DAB1: variants seen among roughly 807,000 people sequenced by gnomAD.
The protein encoded by DAB1 is DAB adaptor protein 1.
DAB1 carries 15 observed loss-of-function variants against 64.6 expected under a neutral mutation model. The observed-to-expected ratio is 0.23, with a 90% CI of 0.16 to 0.36. The LOEUF (loss-of-function observed/expected upper bound fraction) is 0.36, where lower values mean the gene tolerates loss of function less well. Among genes scored for constraint, DAB1 ranks in the 10% least tolerant of loss-of-function variants. The pLI is 1.00. For synonymous variants in DAB1, 235 were observed against 251.9 expected (o/e 0.93, Z 0.64); for missense variants, 596 against 706.7 (o/e 0.84, Z 1.78).
chr1:57,327,461 T>C (rs1676263580), intron 1 of DAB1, among the ~76,000 whole-genome samples: 2 of 152,154 alleles, frequency 1.3e-5, no homozygotes, highest in South Asian at 4.1e-4. Context: ...AATTCCTCTC[T>C]ATGTGACCTG....
At chr1:57,968,659 C>T (rs193049279) in intron 5 of DAB1, among the ~76,000 whole-genome samples, 38 of 152,272 alleles carry the variant, frequency 2.5e-4, no homozygotes, top group Non-Finnish European at 4.3e-4. Context: ...CTCAATCTTT[C>T]TGACCCTTAA....
chr1:57,537,483 G>T (rs1264048109), intron 7 of DAB1, among the ~76,000 whole-genome samples: 1 of 152,124 alleles, frequency 6.6e-6, no homozygotes, highest in Non-Finnish European at 1.5e-5. Context: ...AAATCGCCTG[G>T]ATAGTTTTGT....
At chr1:58,474,423 T>C (rs376187449) in intron 3 of DAB1, among the ~76,000 whole-genome samples, 1 of 152,176 alleles carries the variant, frequency 6.6e-6, no homozygotes, top group Non-Finnish European at 1.5e-5. Flanking sequence ...GCAACTACTT[T>C]TGCACCAACC....
At chr1:57,488,185 C>T (rs115408588) in intron 7 of DAB1, among the ~76,000 whole-genome samples, 2,132 of 152,048 alleles carry the variant, frequency 0.014, 59 homozygotes, top group African/African-American at 0.049. Flanking sequence ...GGGTGGATTA[C>T]GAGGTCAGGA....
chr1:57,713,349 T>C (rs975775567), intron 6 of DAB1, among the ~76,000 whole-genome samples: 2 of 152,180 alleles, frequency 1.3e-5, no homozygotes, highest in Non-Finnish European at 2.9e-5. Context: ...AAGAAGATTA[T>C]AATAAATTTT....
chr1:58,007,583 T>G (rs760983497), intron 5 of DAB1, among the ~76,000 whole-genome samples: 7 of 152,198 alleles, frequency 4.6e-5, no homozygotes, highest in Non-Finnish European at 8.8e-5. Context: ...ATGCCAATCA[T>G]GTTTGGCATC....
At chr1:57,586,285 A>T (rs939571586) in intron 7 of DAB1, among the ~76,000 whole-genome samples, 2 of 152,116 alleles carry the variant, frequency 1.3e-5, no homozygotes, top group African/African-American at 4.8e-5. Context: ...TTGAAATAAA[A>T]TTCAGCTCAC....
At chr1:57,866,565 C>T (rs1298414866) in intron 1 of DAB1, among the ~76,000 whole-genome samples, 4 of 152,134 alleles carry the variant, frequency 2.6e-5, no homozygotes, top group Non-Finnish European at 5.9e-5. Flanking sequence ...CTGAGGGTCT[C>T]AGCATAGTGT....
At chr1:57,558,724 G>T (rs6697919) in intron 7 of DAB1, among the ~76,000 whole-genome samples, 31,894 of 152,050 alleles carry the variant, frequency 0.21, 3,538 homozygotes, top group Non-Finnish European at 0.24. Context: ...TAGTTTCTTT[G>T]CTTGGTTAGC....
At chr1:58,113,638 G>T (rs1652124003) in intron 5 of DAB1, among the ~76,000 whole-genome samples, 1 of 151,654 alleles carries the variant, frequency 6.6e-6, no homozygotes, top group Admixed American at 6.6e-5. Context: ...CCCTATTGTG[G>T]TAATTAACAC....
chr1:58,530,249 T>C (rs1646414537), intron 1 of DAB1, among the ~76,000 whole-genome samples: 1 of 152,192 alleles, frequency 6.6e-6, no homozygotes, highest in African/African-American at 2.4e-5. Flanking sequence ...AAGTCCTGTA[T>C]ACCAAGGGAC....
rs750819465 is a variant in DAB1 at position 58,300,646 on chromosome 1, G to GAGGA, written n.309+42702_309+42705dup. ...AGAGAGAGAGAGAGAGAGAGAGAGA[G>GAGGA]AGGAAGGAAGGAAGGAAGGAAGGAA... On this transcript the variant is annotated intron_variant and non_coding_transcript_variant, in intron 4 of 20. Coordinates refer to the DAB1 transcript ENST00000485760. Among the ~76,000 whole-genome samples, 48 of 57,290 alleles carry GAGGA rather than the reference G, an allele frequency of 8.4e-4. 1 individual carries two copies. Among genetic ancestry groups the GAGGA allele is most frequent in the Admixed American group, 1.1e-3 (6 of 5,688 alleles). 37.6% of individuals were successfully genotyped at this position (57,290 alleles called of 152,430 possible).
intron 3 of DAB1, among the ~76,000 whole-genome samples, chr1:58,460,543 G>A (rs918029247): frequency 4.6e-5 from 7 of 152,134 alleles, no homozygotes; most frequent in African/African-American, 1.2e-4. Flanking sequence ...TAGTGAGAAG[G>A]AGAAGGAAGA....
intron 7 of DAB1, among the ~76,000 whole-genome samples, chr1:57,525,848 G>T (rs1421421141): frequency 6.6e-6 from 1 of 151,856 alleles, no homozygotes; most frequent in Admixed American, 6.6e-5. Context: ...GGGGAGAAGG[G>T]ACTACTATAT....
intron 4 of DAB1, among the ~76,000 whole-genome samples, chr1:58,261,799 C>T (rs1203186407): frequency 6.6e-6 from 1 of 152,154 alleles, no homozygotes; most frequent in Non-Finnish European, 1.5e-5. Context: ...TCAAGCAATC[C>T]TCCTGTCTTG....
chr1:57,762,590 G>A (rs1185284710), intron 6 of DAB1, among the ~76,000 whole-genome samples: 1 of 152,036 alleles, frequency 6.6e-6, no homozygotes, highest in African/African-American at 2.4e-5. Flanking sequence ...AATTCAGAAT[G>A]GGCATCAACT....
intron 4 of DAB1, among the ~76,000 whole-genome samples, chr1:58,161,191 A>T (rs1226075569): frequency 1.3e-5 from 2 of 152,218 alleles, no homozygotes; most frequent in African/African-American, 4.8e-5. Flanking sequence ...ACATTTACTG[A>T]ATGCCAGGTA....
intron 4 of DAB1, among the ~76,000 whole-genome samples, chr1:57,102,629 G>A (rs1323166514): frequency 6.6e-6 from 1 of 152,050 alleles, no homozygotes; most frequent in Non-Finnish European, 1.5e-5. Context: ...TATTTTCATC[G>A]AGAAGGCTTT....
At chr1:57,527,350 A>G (rs1050600115) in intron 7 of DAB1, among the ~76,000 whole-genome samples, 1 of 152,048 alleles carries the variant, frequency 6.6e-6, no homozygotes, top group South Asian at 2.1e-4. Context: ...ATTTGACCTG[A>G]CCTTTTAATA....
Sources: gnomAD v4.1 joint callset for allele counts (sites outside exome capture counted in the v4.1 genomes callset) on GRCh38, gnomAD v4.1.1 for gene constraint, MANE v1.5 for transcripts, NCBI Gene and HGNC (gene_info 2026-07-23, HGNC 2026-07-21) for gene names.